The following OSBPL6 variants were observed in gnomAD, a reference collection of about 807,000 sequenced individuals.
OSBPL6 encodes oxysterol binding protein like 6.
In OSBPL6, 49 loss-of-function variants were observed where a neutral mutation model predicts 125.8. That is an observed-to-expected ratio of 0.39 (90% CI 0.31 to 0.49). The LOEUF is 0.49. Ranked by LOEUF, OSBPL6 falls within the 20% of genes least tolerant of loss-of-function variation. The pLI is 0.88. For synonymous variants in OSBPL6, 394 were observed against 391.8 expected (o/e 1.01, Z -0.07); for missense variants, 986 against 1,135.4 (o/e 0.87, Z 1.89).
intron 1 of OSBPL6, among the ~76,000 whole-genome samples, chr2:178,243,894 G>A (rs915463741): frequency 6.6e-6 from 1 of 152,072 alleles, no homozygotes; most frequent in Non-Finnish European, 1.5e-5. Flanking sequence ...CTCGTGATCC[G>A]CCTGCCTCAG....
chr2:178,371,046 G>A (rs76987629), intron 13 of OSBPL6, among the ~76,000 whole-genome samples: 2,515 of 152,304 alleles, frequency 0.017, 67 homozygotes, highest in African/African-American at 0.056. Flanking sequence ...TTGATTTACT[G>A]TATTCATTGG....
chr2:178,331,638 G>T (rs1447238723), intron 6 of OSBPL6, 33 bp downstream of exon 6: 22 of 1,608,444 alleles, frequency 1.4e-5, no homozygotes, highest in Non-Finnish European at 1.9e-5. Flanking sequence ...TTCAAAGGTT[G>T]ATTTCGAATT....
intron 1 of OSBPL6, among the ~76,000 whole-genome samples, chr2:178,259,497 A>G (rs957982721): frequency 1.0e-5 from 1 of 97,162 alleles, no homozygotes; most frequent in Non-Finnish European, 2.1e-5. Context: ...TTTAAAAGAA[A>G]TCAGGACTCA....
At chr2:178,229,715 A>T (rs761258689) in intron 1 of OSBPL6, among the ~76,000 whole-genome samples, 4 of 152,204 alleles carry the variant, frequency 2.6e-5, no homozygotes, top group Admixed American at 6.5e-5. Flanking sequence ...CTGTACTCTC[A>T]GCTACGTGGG....
At chr2:178,297,425 A>T (rs1213675665) in intron 2 of OSBPL6, among the ~76,000 whole-genome samples, 1 of 152,198 alleles carries the variant, frequency 6.6e-6, no homozygotes, top group African/African-American at 2.4e-5. Flanking sequence ...TAGTGAGACC[A>T]CCATCTCAAA....
chr2:178,283,201 A>G (rs1684382832), intron 1 of OSBPL6, among the ~76,000 whole-genome samples: 1 of 152,170 alleles, frequency 6.6e-6, no homozygotes, highest in South Asian at 2.1e-4. Flanking sequence ...TAAAAATGTT[A>G]TTTAAAGAAG....
rs895862680 is a variant in OSBPL6 at position 178,368,693 on chromosome 2, T to TA, written c.1288-3423dup. ...TTTGGCTTTGAGTATTTGCCATCAT[T>TA]AAAAAAAAAATAGTTTTGAAGTTTG... On this transcript the variant is annotated intron_variant, in intron 13 of 24. Coordinates refer to ENST00000190611, the MANE Select transcript of OSBPL6 (RefSeq NM_032523.4). Among the ~76,000 whole-genome samples, 50 of 146,914 alleles carry TA rather than the reference T, an allele frequency of 3.4e-4. No individual in the cohort carries two copies. The Middle Eastern group carries it at 0.011, about 31-fold the overall frequency.
At position 178,401,603 on chromosome 2, in the gene OSBPL6, A is replaced by C. The variant is rs1331548193; in HGVS notation, c.*6044A>C. 1.3e-5 allele frequency: 2 copies of C among 152,244 alleles called. No homozygotes were observed. Among genetic ancestry groups the C allele is most frequent in the Non-Finnish European group, 2.9e-5 (2 of 68,054 alleles). 9.4% of individuals were successfully genotyped at this position (152,244 alleles called of 1,614,324 possible). A position where few individuals can be genotyped will look rare whatever the true frequency, so the allele number is the denominator to read the frequency against. ...AAGAAACAAGGCAAGAATGAATACAAGAGAAATGGAATCTGGGGAAAAAAG... is the reference window on the plus strand; with the variant it reads ...AAGAAACAAGGCAAGAATGAATACACGAGAAATGGAATCTGGGGAAAAAAG... On this transcript the variant is annotated 3_prime_UTR_variant, in exon 25 of 25. Coordinates refer to ENST00000190611, the MANE Select transcript of OSBPL6 (RefSeq NM_032523.4).
At chr2:178,349,539 G>T in intron 12 of OSBPL6, 150 bp downstream of exon 12, 3 of 868,956 alleles carry the variant, frequency 3.5e-6, no homozygotes, top group Non-Finnish European at 5.2e-6. Context: ...AAATGCAACA[G>T]GACATGATGC....
At chr2:178,278,357 G>A (rs1235838147) in intron 1 of OSBPL6, among the ~76,000 whole-genome samples, 1 of 152,070 alleles carries the variant, frequency 6.6e-6, no homozygotes, top group Non-Finnish European at 1.5e-5. Context: ...GCAAGAGCCT[G>A]GTTTTTGTTG....
At chr2:178,261,202 A>G (rs1159378620) in intron 1 of OSBPL6, among the ~76,000 whole-genome samples, 3 of 152,168 alleles carry the variant, frequency 2.0e-5, no homozygotes, top group African/African-American at 7.2e-5. Flanking sequence ...TTATCTATAT[A>G]AAGTTTAAAA....
At chr2:178,277,370 A>G (rs1196043947) in intron 1 of OSBPL6, among the ~76,000 whole-genome samples, 1 of 152,226 alleles carries the variant, frequency 6.6e-6, no homozygotes, top group Non-Finnish European at 1.5e-5. Flanking sequence ...GTCAGCATTA[A>G]CAATACTCTT....
intron 11 of OSBPL6, chr2:178,344,217 A>G (rs1690483388): frequency 7.5e-7 from 1 of 1,339,410 alleles, no homozygotes; most frequent in Admixed American, 1.7e-5. Flanking sequence ...ATTATCTTTC[A>G]TCCTCCCATC....
intron 1 of OSBPL6, among the ~76,000 whole-genome samples, chr2:178,210,788 T>A (rs2089813493): frequency 6.7e-6 from 1 of 149,020 alleles, no homozygotes; most frequent in African/African-American, 2.5e-5. Context: ...CTCCAGCCTG[T>A]GTGACAAGTG....
rs561028426 is a variant in OSBPL6, at chr2:178,341,016, G to A, written c.987+1252G>A. ...TTAATATTGTAGGGACAGATGTGCC[G>A]AGTGATTTCACAAGAAAATTACTTA... On this transcript the variant is annotated intron_variant, in intron 11 of 24. Coordinates refer to ENST00000190611, the MANE Select transcript of OSBPL6 (RefSeq NM_032523.4). 5.9e-5 allele frequency among the ~76,000 whole-genome samples: 9 copies of A among 152,162 alleles called. 1 individual carries two copies. Among genetic ancestry groups the A allele is most frequent in the South Asian group, 4.2e-4 (2 of 4,814 alleles).
chr2:178,349,185 C>A, intron 11 of OSBPL6, 39 bp from the exon 12 acceptor site: 2 of 1,591,048 alleles, frequency 1.3e-6, no homozygotes, highest in Non-Finnish European at 8.6e-7. Flanking sequence ...TGAAACAATG[C>A]ACTGTTGCTG....
Position 178,317,437 on chromosome 2 carries a change from CATATATATATATATATAT to C in OSBPL6, c.103-6714_103-6697del, listed in dbSNP as rs6147046. 3.4e-3 allele frequency among the ~76,000 whole-genome samples: 361 copies of C among 106,916 alleles called. 1 individual carries two copies. The highest frequency in any genetic ancestry group is 6.9e-3 in the South Asian group (22 of 3,166). 70.1% of individuals were successfully genotyped at this position (106,916 alleles called of 152,430 possible). A position where few individuals can be genotyped will look rare whatever the true frequency, so the allele number is the denominator to read the frequency against. On this transcript the variant is annotated intron_variant, in intron 3 of 24. Transcript: ENST00000190611. The stretch of plus-strand genomic sequence containing the variant: ...TATGTCGCAGCAGAAACTTAGACAC[CATATATATATATATATAT>C]ATATATATATATATATATATATATA...
At chr2:178,243,834 G>A (rs1205167751) in intron 1 of OSBPL6, among the ~76,000 whole-genome samples, 1 of 152,016 alleles carries the variant, frequency 6.6e-6, no homozygotes, top group African/African-American at 2.4e-5. Context: ...TGTATTTTTA[G>A]TAGAGATGGG....
At chr2:178,302,679 T>C (rs1686405861) in intron 2 of OSBPL6, among the ~76,000 whole-genome samples, 2 of 152,330 alleles carry the variant, frequency 1.3e-5, no homozygotes, top group South Asian at 4.1e-4. Context: ...TTTTTCTTCA[T>C]TTTGCTATTA....
Sources: gnomAD v4.1 joint callset for allele counts (sites outside exome capture counted in the v4.1 genomes callset) on GRCh38, gnomAD v4.1.1 for gene constraint, MANE v1.5 for transcripts, NCBI Gene and HGNC (gene_info 2026-07-23, HGNC 2026-07-21) for gene names.